Variants in PTPRD observed in about 807,000 individuals in gnomAD.
PTPRD encodes the protein receptor-type tyrosine-protein phosphatase delta.
A neutral mutation model predicts 214.5 loss-of-function variants in PTPRD; 34 were observed. The observed-to-expected ratio is 0.16, with a 90% CI of 0.12 to 0.21. PTPRD has a LOEUF of 0.21. PTPRD is among the 10% of genes least tolerant of loss of function. The probability of loss-of-function intolerance (pLI) is 1.00; values close to 1 mark genes in which losing one functional copy is unlikely to be tolerated. For synonymous variants in PTPRD, 1,128 were observed against 845.7 expected (o/e 1.33, Z -5.79); for missense variants, 2,545 against 2,398.7 (o/e 1.06, Z -1.27).
In PTPRD at chr9:9,261,841, G is replaced by T. The variant is rs116241089; in HGVS notation, c.-202-78478C>A. Among the ~76,000 whole-genome samples, 561 of 151,890 alleles carry T rather than the reference G, an allele frequency of 3.7e-3. 3 individuals carry two copies. The highest frequency in any genetic ancestry group is 0.013 in the African/African-American group (541 of 41,504). ...TTCATTATCTCTGCAAGGAGTGGAAGTGAGAAAGAATAAACTTTGTAAAAA... is the reference window on the plus strand; with the variant it reads ...TTCATTATCTCTGCAAGGAGTGGAATTGAGAAAGAATAAACTTTGTAAAAA... On this transcript the variant is annotated intron_variant, in intron 9 of 45. Coordinates refer to ENST00000381196, the MANE Select transcript of PTPRD (RefSeq NM_002839.4).
At chr9:10,063,931 T>TA (rs961070027) in intron 3 of PTPRD, among the ~76,000 whole-genome samples, 1 of 152,044 alleles carries the variant, frequency 6.6e-6, no homozygotes, top group Admixed American at 6.6e-5. Flanking sequence ...TAGCCAGTAT[T>TA]ATGACTAAAA....
intron 3 of PTPRD, among the ~76,000 whole-genome samples, chr9:10,106,660 G>C (rs1688499813): frequency 6.6e-6 from 1 of 151,800 alleles, no homozygotes; most frequent in South Asian, 2.1e-4. Flanking sequence ...CAGAAGAATA[G>C]TGACAAGAAA....
chr9:10,509,253 T>A (rs2047132991), intron 2 of PTPRD, among the ~76,000 whole-genome samples: 1 of 151,960 alleles, frequency 6.6e-6, no homozygotes, highest in Non-Finnish European at 1.5e-5. Flanking sequence ...ATTTTCCTCA[T>A]TCATCCTTCA....
At chr9:9,944,284 C>T (rs933610549) in intron 4 of PTPRD, among the ~76,000 whole-genome samples, 2 of 152,128 alleles carry the variant, frequency 1.3e-5, no homozygotes, top group Non-Finnish European at 2.9e-5. Context: ...CTCAGTCCAC[C>T]TATTTGAGGA....
At chr9:9,019,281 G>GAAGA (rs1234982087) in intron 10 of PTPRD, among the ~76,000 whole-genome samples, 831 of 72,176 alleles carry the variant, frequency 0.012, 12 homozygotes, top group African/African-American at 0.023. Context: ...GAAAAAGAAA[G>GAAGA]AAGAAAGAAA....
At chr9:10,011,930 G>A (rs2096608359) in intron 4 of PTPRD, among the ~76,000 whole-genome samples, 1 of 151,872 alleles carries the variant, frequency 6.6e-6, no homozygotes, top group African/African-American at 2.4e-5. Context: ...CATTGTGTCT[G>A]GCCAGTGGTA....
chr9:10,471,158 A>G (rs1454683944), intron 2 of PTPRD, among the ~76,000 whole-genome samples: 2 of 45,394 alleles, frequency 4.4e-5, no homozygotes, highest in African/African-American at 1.2e-4. Context: ...GTTGGGGGCT[A>G]GGGGAAGGAC....
At chr9:10,221,513 A>G (rs2099570994) in intron 3 of PTPRD, among the ~76,000 whole-genome samples, 1 of 152,034 alleles carries the variant, frequency 6.6e-6, no homozygotes. Context: ...CAGTTGTGAA[A>G]TAGTAATATA....
intron 7 of PTPRD, among the ~76,000 whole-genome samples, chr9:9,587,055 G>T (rs2092099023): frequency 6.6e-6 from 1 of 151,882 alleles, no homozygotes; most frequent in African/African-American, 2.4e-5. Context: ...GGAAATGTAT[G>T]TGTATATAGG....
chr9:10,226,358 T>C (rs948468335), intron 3 of PTPRD, among the ~76,000 whole-genome samples: 1 of 151,836 alleles, frequency 6.6e-6, no homozygotes, highest in Non-Finnish European at 1.5e-5. Context: ...AGAACAGCAA[T>C]GGAATATAGT....
intron 10 of PTPRD, among the ~76,000 whole-genome samples, chr9:9,027,269 T>A (rs1357203058): frequency 6.6e-6 from 1 of 151,838 alleles, no homozygotes; most frequent in African/African-American, 2.4e-5. Context: ...AAATTAGCAA[T>A]AATCTTAATT....
chr9:9,271,831 G>T (rs969600968), intron 9 of PTPRD, among the ~76,000 whole-genome samples: 1 of 151,194 alleles, frequency 6.6e-6, no homozygotes. Context: ...ATATTCAAAG[G>T]TATAAGAAGT....
intron 2 of PTPRD, among the ~76,000 whole-genome samples, chr9:10,473,572 C>T (rs1253598017): frequency 6.6e-6 from 1 of 152,042 alleles, no homozygotes. Context: ...AACATCAGAA[C>T]TAAATTTACT....
chr9:9,713,180 G>C (rs1009240039), intron 7 of PTPRD, among the ~76,000 whole-genome samples: 3 of 152,134 alleles, frequency 2.0e-5, no homozygotes, highest in Admixed American at 6.6e-5. Flanking sequence ...ATTTCTGCCA[G>C]AAAACTTCAG....
intron 14 of PTPRD, among the ~76,000 whole-genome samples, chr9:8,595,172 G>GTT (rs60646648): frequency 0.045 from 5,886 of 131,502 alleles, 426 homozygotes; most frequent in African/African-American, 0.15. Flanking sequence ...CCCTAAACCT[G>GTT]TTTTTTTTTT....
At chr9:10,510,323 C>G (rs1162129729) in intron 2 of PTPRD, among the ~76,000 whole-genome samples, 2 of 152,050 alleles carry the variant, frequency 1.3e-5, no homozygotes, top group East Asian at 1.9e-4. Flanking sequence ...TTCACATACA[C>G]AAATTTCACT....
At chr9:10,392,274 T>C (rs1362978521) in intron 2 of PTPRD, among the ~76,000 whole-genome samples, 1 of 151,868 alleles carries the variant, frequency 6.6e-6, no homozygotes, top group Non-Finnish European at 1.5e-5. Context: ...GAGGATCAGG[T>C]TGATTCTATG....
intron 9 of PTPRD, among the ~76,000 whole-genome samples, chr9:9,195,123 T>C (rs1284548639): frequency 6.8e-6 from 1 of 147,288 alleles, no homozygotes; most frequent in Non-Finnish European, 1.5e-5. Flanking sequence ...CACACACATA[T>C]ACATACATAC....
chr9:10,336,711 A>G (rs1565377265), intron 3 of PTPRD, among the ~76,000 whole-genome samples: 1 of 151,570 alleles, frequency 6.6e-6, no homozygotes, highest in East Asian at 1.9e-4. Flanking sequence ...GGGAGACAAA[A>G]AAGTCGACAA....
Sources: gnomAD v4.1 joint callset for allele counts (sites outside exome capture counted in the v4.1 genomes callset) on GRCh38, gnomAD v4.1.1 for gene constraint, MANE v1.5 for transcripts, NCBI Gene and HGNC (gene_info 2026-07-23, HGNC 2026-07-21) for gene names.